Variants in CADM2 observed in about 807,000 individuals in gnomAD.
The protein encoded by CADM2 is immunoglobulin superfamily member 4D.
A neutral mutation model predicts 49.8 loss-of-function variants in CADM2; 12 were observed. The ratio of observed to expected loss-of-function variants is 0.24; its 90% confidence interval spans 0.15 to 0.39. The LOEUF (loss-of-function observed/expected upper bound fraction) is 0.39. Ranked by LOEUF, CADM2 falls within the 10% of genes least tolerant of loss-of-function variation. CADM2 has a pLI of 1.00. For synonymous variants in CADM2, 214 were observed against 175.4 expected (o/e 1.22, Z -1.74); for missense variants, 378 against 492.3 (o/e 0.77, Z 2.20).
At chr3:85,968,442 G>A (rs1038108958) in intron 8 of CADM2, among the ~76,000 whole-genome samples, 4 of 151,602 alleles carry the variant, frequency 2.6e-5, no homozygotes, top group East Asian at 2.0e-4. Flanking sequence ...GGTACACTAA[G>A]GTTTCTGCTT....
chr3:85,165,963 A>G (rs913121522), intron 1 of CADM2, among the ~76,000 whole-genome samples: 1 of 151,720 alleles, frequency 6.6e-6, no homozygotes, highest in Non-Finnish European at 1.5e-5. Flanking sequence ...TCTTAAATCT[A>G]TCTAGTATCA....
chr3:85,580,928 G>T (rs945098835), intron 1 of CADM2, among the ~76,000 whole-genome samples: 1 of 152,022 alleles, frequency 6.6e-6, no homozygotes, highest in Non-Finnish European at 1.5e-5. Context: ...ACTATTATAT[G>T]TAGATTCATT....
chr3:85,649,105 A>G (rs887500602), intron 1 of CADM2, among the ~76,000 whole-genome samples: 8 of 152,090 alleles, frequency 5.3e-5, no homozygotes, highest in African/African-American at 1.9e-4. Context: ...ATAAATTTCT[A>G]TTTTAAAGCA....
intron 1 of CADM2, among the ~76,000 whole-genome samples, chr3:85,089,157 T>C (rs914586525): frequency 1.3e-5 from 2 of 152,128 alleles, no homozygotes; most frequent in African/African-American, 4.8e-5. Flanking sequence ...AAGTGATCTA[T>C]TAATCTTGTG....
intron 1 of CADM2, among the ~76,000 whole-genome samples, chr3:85,087,496 A>T (rs1466275693): frequency 6.6e-6 from 1 of 152,166 alleles, no homozygotes; most frequent in Non-Finnish European, 1.5e-5. Context: ...CTTCCATGTA[A>T]ATTATGGAGT....
At chr3:86,014,382 G>A in intron 8 of CADM2, 7 of 1,467,928 alleles carry the variant, frequency 4.8e-6, no homozygotes, top group Non-Finnish European at 6.4e-6. Flanking sequence ...TAGCTTGACT[G>A]TAGTACTGCA....
intron 1 of CADM2, among the ~76,000 whole-genome samples, chr3:85,206,421 C>T (rs113548289): frequency 0.029 from 4,378 of 151,586 alleles, 222 homozygotes; most frequent in African/African-American, 0.1. Context: ...CATTCTCCTG[C>T]CTCAGCCTCC....
intron 1 of CADM2, among the ~76,000 whole-genome samples, chr3:85,599,391 T>C (rs534932409): frequency 2.0e-5 from 3 of 152,154 alleles, no homozygotes; most frequent in South Asian, 2.1e-4. Flanking sequence ...CGTCTGGTAC[T>C]ATCCTATCAT....
intron 1 of CADM2, among the ~76,000 whole-genome samples, chr3:85,309,027 G>A (rs2044281043): frequency 1.3e-5 from 2 of 152,054 alleles, no homozygotes; most frequent in Non-Finnish European, 2.9e-5. Flanking sequence ...CTGGTCCCAA[G>A]AGCCCAAATT....
At chr3:85,157,825 C>A (rs562459565) in intron 1 of CADM2, among the ~76,000 whole-genome samples, 2 of 152,214 alleles carry the variant, frequency 1.3e-5, no homozygotes, top group South Asian at 2.1e-4. Context: ...GCAATAAAAG[C>A]CAAAATTGAC....
At chr3:85,901,180 G>A (rs896528869) in intron 5 of CADM2, among the ~76,000 whole-genome samples, 1 of 152,020 alleles carries the variant, frequency 6.6e-6, no homozygotes, top group African/African-American at 2.4e-5. Context: ...GGTGACAAGG[G>A]CAAAACTCCA....
rs1202734630 is a variant in CADM2, at chr3:85,890,677, G to GA, written c.529+4358dup. Among the ~76,000 whole-genome samples, 18 of 143,700 alleles carry GA rather than the reference G, an allele frequency of 1.3e-4. 1 individual carries two copies. Among genetic ancestry groups the GA allele is most frequent in the Admixed American group, 8.9e-4 (13 of 14,590 alleles). The allele number at this position is 143,700 out of a possible 152,430, so 94.3% of individuals were successfully genotyped here. A position where few individuals can be genotyped will look rare whatever the true frequency, so the allele number is the denominator to read the frequency against. On this transcript the variant is annotated intron_variant, in intron 5 of 9. Transcript: ENST00000383699. ...TGTGAAATTGTAGCTATCAGTTCAT[G>GA]AAAAAAAAGAAAGACTTTTTTTTTT...
chr3:85,808,925 G>A (rs2072633822), intron 3 of CADM2, among the ~76,000 whole-genome samples: 1 of 152,118 alleles, frequency 6.6e-6, no homozygotes, highest in Admixed American at 6.6e-5. Flanking sequence ...CAGAATTGGA[G>A]GTACAGGTTC....
At chr3:85,990,505 T>A (rs1202877454) in intron 8 of CADM2, among the ~76,000 whole-genome samples, 1 of 152,158 alleles carries the variant, frequency 6.6e-6, no homozygotes, top group Admixed American at 6.5e-5. Context: ...CAGGCTGCGT[T>A]GGGAAAAGAC....
chr3:85,883,676 G>A (rs1044237893), intron 4 of CADM2, among the ~76,000 whole-genome samples: 1 of 152,138 alleles, frequency 6.6e-6, no homozygotes, highest in African/African-American at 2.4e-5. Context: ...AAGGCACATA[G>A]CTATTTTGTT....
chr3:85,504,321 G>C (rs2040231589), intron 1 of CADM2, among the ~76,000 whole-genome samples: 1 of 152,104 alleles, frequency 6.6e-6, no homozygotes, highest in Non-Finnish European at 1.5e-5. Context: ...GCAGACCTTC[G>C]CGGTGTTACA....
chr3:85,959,976 T>C (rs1559767679), intron 7 of CADM2, among the ~76,000 whole-genome samples: 1 of 151,910 alleles, frequency 6.6e-6, no homozygotes, highest in Non-Finnish European at 1.5e-5. Context: ...CAGGAAACTC[T>C]TGCAAGGGTA....
intron 1 of CADM2, among the ~76,000 whole-genome samples, chr3:85,229,979 G>C (rs547332592): frequency 1.3e-5 from 2 of 152,274 alleles, no homozygotes; most frequent in South Asian, 4.1e-4. Context: ...TTATTAAACT[G>C]ATGAGAAAGA....
intron 1 of CADM2, among the ~76,000 whole-genome samples, chr3:85,362,012 G>T (rs9990095): frequency 0.93 from 141,320 of 152,256 alleles, 65,864 homozygotes; most frequent in Non-Finnish European, 0.97. Flanking sequence ...GTAGAACAAT[G>T]TATTACCAAC....
Sources: allele counts gnomAD v4.1 joint callset (sites outside exome capture counted in the v4.1 genomes callset), GRCh38; gene constraint gnomAD v4.1.1; transcripts MANE v1.5; gene names NCBI Gene and HGNC (gene_info 2026-07-23, HGNC 2026-07-21).